Variants in NUMB observed in about 807,000 individuals in gnomAD.
NUMB encodes protein numb homolog.
Under a neutral mutation model 59.7 loss-of-function variants are expected in NUMB, and 29 were observed. The ratio of observed to expected loss-of-function variants is 0.49; its 90% CI spans 0.36 to 0.66. The LOEUF (loss-of-function observed/expected upper bound fraction) is 0.66, where lower values mean the gene tolerates loss of function less well. NUMB is among the 30% of genes least tolerant of loss of function. NUMB has a pLI of 0.00. For synonymous variants in NUMB, 288 were observed against 288.2 expected, an observed-to-expected ratio of 1.00 and a Z score of 0.01; for missense variants, 723 against 822.0, an observed-to-expected ratio of 0.88 and a Z score of 1.47.
At chr14:73,370,134 T>G (rs1255401354) in intron 2 of NUMB, among the ~76,000 whole-genome samples, 2 of 151,108 alleles carry the variant, frequency 1.3e-5, no homozygotes, top group Non-Finnish European at 3.0e-5. Flanking sequence ...GTGGGGGGGG[T>G]GGGACCATTA....
Position 73,282,360 on chromosome 14 carries a change from T to C in NUMB, c.1095A>G (p.Gln365=), listed in dbSNP as rs1888687254. 6.2e-7 allele frequency: 1 copy of C among 1,613,912 alleles called. No homozygotes were observed. The highest frequency in any genetic ancestry group is 8.5e-7 in the Non-Finnish European group (1 of 1,179,992). The part of the protein sequence containing the change: ...TVVAPQSPTF[Q]ANGTDSAFHV... ...CTGAGCAGGTCAGAGGGCACCAACCTTGGAAGGTAGGAGATTGTGGTGCCA... is the reference window on the plus strand; with the variant it reads ...CTGAGCAGGTCAGAGGGCACCAACCCTGGAAGGTAGGAGATTGTGGTGCCA... The change falls in exon 11 of 13, where the codon CAA becomes CAG. Residue 365 remains glutamine, a splice_region_variant and synonymous_variant. Coordinates refer to ENST00000555238, the MANE Select transcript of NUMB (RefSeq NM_001005743.2).
chr14:73,284,000 A>G, intron 10 of NUMB, 81 bp downstream of exon 10: 2 of 1,294,234 alleles, frequency 1.5e-6, no homozygotes, highest in Non-Finnish European at 2.2e-6. Context: ...GCCTAGTTTA[A>G]TGGGATTAGT....
chr14:73,298,913 T>A (rs1889944525), intron 6 of NUMB: 1 of 152,032 alleles, frequency 6.6e-6, no homozygotes, highest in Non-Finnish European at 1.5e-5. Context: ...AAGAATACCG[T>A]AGGTAAATGC....
intron 1 of NUMB, among the ~76,000 whole-genome samples, chr14:73,434,103 G>A (rs887842083): frequency 2.6e-5 from 4 of 152,004 alleles, no homozygotes; most frequent in Non-Finnish European, 4.4e-5. Flanking sequence ...CAAAAAAAAA[G>A]AAATCCCAAT....
intron 7 of NUMB, 78 bp downstream of exon 7, chr14:73,297,133 C>T: frequency 2.0e-6 from 2 of 985,220 alleles, no homozygotes; most frequent in Non-Finnish European, 3.1e-6. Context: ...TGCCATTGCA[C>T]TCCAGCCTGG....
intron 3 of NUMB, among the ~76,000 whole-genome samples, chr14:73,362,216 C>A (rs10149058): frequency 6.6e-6 from 1 of 151,758 alleles, no homozygotes; most frequent in Non-Finnish European, 1.5e-5. Context: ...ATTATCTTAC[C>A]ACTGCACTCC....
intron 1 of NUMB, among the ~76,000 whole-genome samples, chr14:73,455,203 G>A (rs1003850888): frequency 2.0e-5 from 3 of 152,096 alleles, no homozygotes; most frequent in Non-Finnish European, 4.4e-5. Context: ...TATACCAACA[G>A]TTTCTTCACA....
At chr14:73,284,443 A>T in intron 9 of NUMB, 69 bp from the exon 10 acceptor site, 1 of 1,354,798 alleles carries the variant, frequency 7.4e-7, no homozygotes, top group Non-Finnish European at 1.0e-6. Flanking sequence ...AGAGCTGACA[A>T]ATTCGAAAGC....
chr14:73,305,210 C>T (rs982469957), intron 6 of NUMB, among the ~76,000 whole-genome samples: 5 of 152,152 alleles, frequency 3.3e-5, no homozygotes, highest in African/African-American at 1.2e-4. Context: ...GCAGCCATAA[C>T]AATATGTACA....
At chr14:73,432,153 T>A (rs1897859492) in intron 1 of NUMB, among the ~76,000 whole-genome samples, 1 of 152,072 alleles carries the variant, frequency 6.6e-6, no homozygotes, top group African/African-American at 2.4e-5. Flanking sequence ...GTATAAGCAG[T>A]ACGATAGTAC....
At chr14:73,408,805 A>T (rs1309545624) in intron 2 of NUMB, among the ~76,000 whole-genome samples, 1 of 150,320 alleles carries the variant, frequency 6.7e-6, no homozygotes, top group Non-Finnish European at 1.5e-5. Context: ...TCAACCCAGG[A>T]GGCAGAGGTT....
Position 73,386,865 on chromosome 14 carries a change from TTA to T in NUMB, c.-100-19886_-100-19885del, listed in dbSNP as rs1261088519. ...AATACAAGACAATCTATCAGGTGTC[TTA>T]TTTTTTTTTTTTTTTTTTTTTTTTT... is the stretch of plus-strand genomic sequence containing the variant. On this transcript the variant is annotated intron_variant, in intron 2 of 12. Coordinates refer to ENST00000555238, the MANE Select transcript of NUMB (RefSeq NM_001005743.2). 1.4e-3 allele frequency among the ~76,000 whole-genome samples: 146 copies of T among 106,386 alleles called. 15 individuals are homozygous for T. The highest frequency in any genetic ancestry group is 6.4e-3 in the African/African-American group (142 of 22,266). 69.8% of individuals were successfully genotyped at this position (106,386 alleles called of 152,430 possible).
intron 3 of NUMB, among the ~76,000 whole-genome samples, chr14:73,358,852 C>T (rs1273741190): frequency 1.3e-5 from 2 of 152,114 alleles, no homozygotes; most frequent in African/African-American, 2.4e-5. Flanking sequence ...CAGACGCCCA[C>T]CACAGTAGAG....
intron 4 of NUMB, among the ~76,000 whole-genome samples, chr14:73,355,264 C>G (rs1893719585): frequency 6.6e-6 from 1 of 152,184 alleles, no homozygotes. Context: ...TTTAAGAGAG[C>G]TGACTTCCAC....
At chr14:73,397,409 A>C (rs1319900008) in intron 2 of NUMB, among the ~76,000 whole-genome samples, 2 of 152,184 alleles carry the variant, frequency 1.3e-5, no homozygotes, top group Non-Finnish European at 2.9e-5. Context: ...AGCGGGGAGA[A>C]AGAAGCCCTG....
rs10151605 is a variant in NUMB, at chr14:73,417,109, T to G, written c.-232-7041A>C. Among the ~76,000 whole-genome samples, 77 of 151,386 alleles carry G rather than the reference T, an allele frequency of 5.1e-4. 1 individual carries two copies. The highest frequency in any genetic ancestry group is 1.0e-3 in the Non-Finnish European group (69 of 67,882). On this transcript the variant is annotated intron_variant, in intron 1 of 12. Transcript: ENST00000555238. ...AGGCGACGATCATCTTCCCACTCCATCCCCTTTCCAGCTTCCCCATCATCC... is the reference window on the plus strand; with the variant it reads ...AGGCGACGATCATCTTCCCACTCCAGCCCCTTTCCAGCTTCCCCATCATCC...
At chr14:73,279,601 A>C (rs1440615151) in intron 11 of NUMB, among the ~76,000 whole-genome samples, 177 bp from the exon 12 acceptor site, 5 of 152,234 alleles carry the variant, frequency 3.3e-5, no homozygotes, top group Non-Finnish European at 7.3e-5. Context: ...TTAGGCAAAG[A>C]AGCAATCAGA....
At chr14:73,278,045 C>CA (rs57146032) in intron 12 of NUMB, among the ~76,000 whole-genome samples, 18,429 of 69,054 alleles carry the variant, frequency 0.27, 3,261 homozygotes, top group African/African-American at 0.34. Flanking sequence ...GACTCCGTCT[C>CA]AAAAAAAAAA....
intron 2 of NUMB, among the ~76,000 whole-genome samples, chr14:73,402,693 A>G (rs867937128): frequency 6.6e-6 from 1 of 152,206 alleles, no homozygotes; most frequent in Non-Finnish European, 1.5e-5. Flanking sequence ...TGAAAGTCAG[A>G]TATTATTAAT....
Sources: allele counts gnomAD v4.1 joint callset (sites outside exome capture counted in the v4.1 genomes callset), GRCh38; gene constraint gnomAD v4.1.1; transcripts MANE v1.5; gene names NCBI Gene and HGNC (gene_info 2026-07-23, HGNC 2026-07-21).